CFAP221: variants seen among roughly 807,000 people sequenced by gnomAD.
The protein encoded by CFAP221 is cilia- and flagella-associated protein 221.
Under a neutral mutation model 113.1 loss-of-function variants are expected in CFAP221, and 97 were observed. The observed-to-expected ratio is 0.86, with a 90% CI of 0.73 to 1.02. CFAP221 has a LOEUF of 1.02. Ranked by LOEUF, CFAP221 falls within the 50% of genes least tolerant of loss-of-function variation. The pLI is 0.00. For missense variants in CFAP221, 1,025 were observed against 1,013.4 expected (o/e 1.01, Z -0.16); for synonymous variants, 331 against 354.4 (o/e 0.93, Z 0.74).
chr2:119,603,353 G>A (rs1365616502), intron 8 of CFAP221, among the ~76,000 whole-genome samples: 1 of 152,112 alleles, frequency 6.6e-6, no homozygotes, highest in Admixed American at 6.5e-5. Flanking sequence ...ACTGAGACAG[G>A]GATGCTGAAC....
intron 21 of CFAP221, 62 bp from the exon 22 acceptor site, chr2:119,646,896 G>T: frequency 7.0e-7 from 1 of 1,423,164 alleles, no homozygotes; most frequent in Non-Finnish European, 9.8e-7. Context: ...AGAAAATTAT[G>T]TAAAGACCCC....
intron 6 of CFAP221, among the ~76,000 whole-genome samples, chr2:119,567,788 T>C (rs1681754581): frequency 6.6e-6 from 1 of 152,368 alleles, no homozygotes; most frequent in South Asian, 2.1e-4. Context: ...ATTACTGATA[T>C]AGTTCTATTA....
At chr2:119,571,819 G>A (rs780185495) in intron 6 of CFAP221, among the ~76,000 whole-genome samples, 1 of 152,230 alleles carries the variant, frequency 6.6e-6, no homozygotes, top group Non-Finnish European at 1.5e-5. Flanking sequence ...CAAAGCTGAT[G>A]GGAGACCATA....
rs969705170 is a variant in CFAP221 at position 119,559,751 on chromosome 2, C to T, written c.303C>T (p.Tyr101=). ...ATATTTTACCCCCGCAAACCAAATA[C>T]TTTGAGATCAATTATGTAAGAAAGG... The part of the protein sequence containing the change: ...RVHILPPQTK[Y]FEINYVRKEH... Residue 101 remains tyrosine, a synonymous_variant, in exon 4 of 24, where the codon TAC becomes TAT. Transcript: ENST00000413369. 9.2e-6 allele frequency: 14 copies of T among 1,529,032 alleles called. No homozygotes were observed. Among genetic ancestry groups the T allele is most frequent in the African/African-American group, 5.5e-5 (4 of 72,794 alleles). 94.7% of individuals were successfully genotyped at this position (1,529,032 alleles called of 1,614,324 possible). A position where few individuals can be genotyped will look rare whatever the true frequency, so the allele number is the denominator to read the frequency against.
downstream of CFAP221, chr2:119,656,688 G>A (rs944718223): frequency 1.1e-4 from 40 of 363,782 alleles, no homozygotes; most frequent in African/African-American, 8.1e-4. Flanking sequence ...TTGGTGCGGT[G>A]TTTAGTGCCG....
chr2:119,585,624 A>C (rs1343849212), intron 6 of CFAP221, among the ~76,000 whole-genome samples: 1 of 152,326 alleles, frequency 6.6e-6, no homozygotes, highest in Admixed American at 6.5e-5. Flanking sequence ...TATTTGAAAT[A>C]TTTCACAGAT....
intron 1 of CFAP221, among the ~76,000 whole-genome samples, chr2:119,544,777 G>A (rs1343158439): frequency 6.6e-6 from 1 of 152,138 alleles, no homozygotes; most frequent in Non-Finnish European, 1.5e-5. Context: ...GGGCCTGCCC[G>A]GGGTGAGAGA....
At chr2:119,651,038 G>T (rs1688100256) in intron 22 of CFAP221, among the ~76,000 whole-genome samples, 1 of 152,186 alleles carries the variant, frequency 6.6e-6, no homozygotes, top group Non-Finnish European at 1.5e-5. Flanking sequence ...GAAACTAGAG[G>T]CTAAGTTTCC....
intron 21 of CFAP221, among the ~76,000 whole-genome samples, chr2:119,645,110 C>G (rs1298361071): frequency 6.7e-6 from 1 of 149,828 alleles, no homozygotes; most frequent in Non-Finnish European, 1.5e-5. Context: ...TTAGCTCTCT[C>G]TCTCTCTCTG....
intron 6 of CFAP221, among the ~76,000 whole-genome samples, chr2:119,571,928 C>T (rs978953325): frequency 1.1e-4 from 17 of 152,124 alleles, no homozygotes; most frequent in East Asian, 9.6e-4. Context: ...TGTTTAATAC[C>T]ACTAATTCTG....
intron 7 of CFAP221, among the ~76,000 whole-genome samples, chr2:119,594,664 A>G (rs1024607913): frequency 3.9e-5 from 6 of 152,204 alleles, no homozygotes; most frequent in African/African-American, 1.2e-4. Context: ...ACTCTACTCA[A>G]TGTTGAATAC....
At chr2:119,603,003 C>T (rs1179251993) in intron 8 of CFAP221, among the ~76,000 whole-genome samples, 1 of 152,154 alleles carries the variant, frequency 6.6e-6, no homozygotes, top group Non-Finnish European at 1.5e-5. Context: ...GTCTTAAGAT[C>T]TGCATGTCTC....
Position 119,559,955 on chromosome 2 carries a change from C to G in CFAP221, c.355C>G (p.Leu119Val). 2 of 1,535,928 alleles carry G rather than the reference C, an allele frequency of 1.3e-6. No homozygotes were observed. The highest frequency in any genetic ancestry group is 1.4e-5 in the African/African-American group (1 of 73,084). The stretch of plus-strand genomic sequence containing the variant: ...ACACCACCTGGTCCCTGGCTTGTCC[C>G]TCACGGTCACCGTTACATTTTCTCC... ...KEHHLVPGLS[L>V]TVTVTFSPDE... is the part of the protein sequence containing the mutation. The change falls in exon 5 of 24, where the codon CTC (leucine) becomes GTC (valine). Residue 119 changes from leucine to valine, a missense_variant. Leu to Val is a conservative substitution (Grantham distance 32). Coordinates refer to ENST00000413369, the MANE Select transcript of CFAP221 (RefSeq NM_001271049.2).
Position 119,604,689 on chromosome 2 carries a change from G to A in CFAP221, c.809G>A (p.Arg270Lys). The change falls in exon 9 of 24, where the codon AGG becomes AAG. Residue 270 changes from arginine (R) to lysine (K), a missense_variant. By Grantham distance (26) the Arg-to-Lys change is conservative. Transcript: ENST00000413369. ...NMALPLEEFE[R>K]LNTLSKKVNV... ...ACCTATAGATTAGAAGAGTTTGAAA[G>A]GTTGAATACCCTTTCTAAGAAAGTA... 1 of 1,557,402 alleles carries A rather than the reference G, an allele frequency of 6.4e-7. No individual in the cohort carries two copies. Among genetic ancestry groups the A allele is most frequent in the Non-Finnish European group, 8.6e-7 (1 of 1,158,690 alleles).
At chr2:119,569,215 C>T (rs1449180739) in intron 6 of CFAP221, among the ~76,000 whole-genome samples, 1 of 151,974 alleles carries the variant, frequency 6.6e-6, no homozygotes, top group Admixed American at 6.6e-5. Context: ...CTCATTGCAA[C>T]CTCTGTCTCC....
At chr2:119,624,719 A>G (rs1333652576) in intron 14 of CFAP221, among the ~76,000 whole-genome samples, 5 of 152,234 alleles carry the variant, frequency 3.3e-5, no homozygotes, top group Non-Finnish European at 5.9e-5. Context: ...TGTCCTTTGC[A>G]GGGACATGGA....
intron 20 of CFAP221, 61 bp downstream of exon 20, chr2:119,638,478 C>A: frequency 6.3e-7 from 1 of 1,589,554 alleles, no homozygotes; most frequent in Non-Finnish European, 8.6e-7. Flanking sequence ...GGGCAGGGGA[C>A]AAGGACAGGG....
At chr2:119,577,029 A>T (rs1682497735) in intron 6 of CFAP221, among the ~76,000 whole-genome samples, 1 of 152,220 alleles carries the variant, frequency 6.6e-6, no homozygotes, top group Non-Finnish European at 1.5e-5. Flanking sequence ...AGGTCTTGGC[A>T]TTTGCCTCAG....
At chr2:119,601,793 A>G (rs1024423745) in intron 8 of CFAP221, among the ~76,000 whole-genome samples, 1 of 152,266 alleles carries the variant, frequency 6.6e-6, no homozygotes, top group African/African-American at 2.4e-5. Flanking sequence ...TGCAAAGCTC[A>G]GTGGGAAATG....
Sources: allele counts gnomAD v4.1 joint callset (sites outside exome capture counted in the v4.1 genomes callset), GRCh38; gene constraint gnomAD v4.1.1; transcripts MANE v1.5; gene names NCBI Gene and HGNC (gene_info 2026-07-23, HGNC 2026-07-21).